Variants in MARF1 observed in about 807,000 individuals in gnomAD.
MARF1 encodes limkain-b1.
In MARF1, 24 loss-of-function variants were observed where a neutral mutation model predicts 168.2. That is an observed-to-expected ratio of 0.14 (90% CI 0.10 to 0.20). The LOEUF (loss-of-function observed/expected upper bound fraction) is 0.20, where lower values mean the gene tolerates loss of function less well. MARF1 is among the 10% of genes least tolerant of loss of function. MARF1 has a pLI of 1.00. For missense variants in MARF1, 1,744 were observed against 2,143.6 expected (o/e 0.81, Z 3.68); for synonymous variants, 868 against 822.4 (o/e 1.06, Z -0.95).
intron 23 of MARF1, chr16:15,601,518 C>T (rs2032426583): frequency 8.5e-6 from 2 of 235,910 alleles, no homozygotes; most frequent in Admixed American, 1.0e-4. Flanking sequence ...TCTCGACACT[C>T]CATGCCACTT....
At chr16:15,626,943 G>A (rs543228306) in intron 7 of MARF1, among the ~76,000 whole-genome samples, 16 of 129,794 alleles carry the variant, frequency 1.2e-4, no homozygotes, top group Admixed American at 2.6e-4. Context: ...CAGCCTGGGC[G>A]ACAGAGCGAG....
chr16:15,604,621 A>G (rs377383307), intron 21 of MARF1, among the ~76,000 whole-genome samples: 44 of 152,292 alleles, frequency 2.9e-4, no homozygotes, highest in African/African-American at 9.4e-4. Flanking sequence ...TCCATAACTG[A>G]AAACTCTCAA....
At position 15,638,958 on chromosome 16, in the gene MARF1, G is replaced by C. The variant is rs560945572; in HGVS notation, c.144+132C>G. On this transcript the variant is annotated intron_variant, in intron 2 of 26. Coordinates refer to ENST00000396368, the MANE Select transcript of MARF1 (RefSeq NM_014647.4). ...CTCACATTATAATGTGGTATAAGAG[G>C]CAATACAGGCAAGATCTACAGAAAA... 64 of 771,430 alleles carry C rather than the reference G, an allele frequency of 8.3e-5. No homozygotes were observed. In the African/African-American group the frequency reaches 1.1e-3, roughly 13 times the overall value. 47.8% of individuals were successfully genotyped at this position (771,430 alleles called of 1,614,324 possible). A position where few individuals can be genotyped will look rare whatever the true frequency, so the allele number is the denominator to read the frequency against.
intron 21 of MARF1, 81 bp from the exon 22 acceptor site, chr16:15,604,479 G>C (rs2032830003): frequency 2.2e-6 from 2 of 897,432 alleles, no homozygotes; most frequent in South Asian, 3.0e-5. Flanking sequence ...ACTTCATTTT[G>C]GTTAATGAGA....
Position 15,636,022 on chromosome 16 carries a change from C to T in MARF1, c.465G>A (p.Gln155=). ...TCQVGSGFAF[Q]SASSLQNASA... ...AGGCATTCTGGAGTGAAGATGCAGA[C>T]TGGAAAGCAAACCCTGACCCTACCT... The change falls in exon 3 of 27, where the codon CAG becomes CAA. Residue 155 remains glutamine (Q), a synonymous_variant. Transcript: ENST00000396368. 6.2e-7 allele frequency: 1 copy of T among 1,614,216 alleles called. No homozygotes were observed. Among genetic ancestry groups the T allele is most frequent in the Non-Finnish European group, 8.5e-7 (1 of 1,180,040 alleles).
intron 10 of MARF1, 146 bp downstream of exon 10, chr16:15,624,623 C>T (rs918326898): frequency 4.1e-6 from 3 of 732,246 alleles, no homozygotes; most frequent in Non-Finnish European, 6.9e-6. Flanking sequence ...CGATGATTAC[C>T]TGAGGAGAGG....
At chr16:15,633,383 C>CA (rs1041847879) in intron 5 of MARF1, among the ~76,000 whole-genome samples, 4 of 151,838 alleles carry the variant, frequency 2.6e-5, no homozygotes, top group African/African-American at 9.7e-5. Flanking sequence ...CTCGTCTCTA[C>CA]AAAAAATAAA....
At chr16:15,607,080 C>A (rs1443653496) in intron 21 of MARF1, among the ~76,000 whole-genome samples, 1 of 152,154 alleles carries the variant, frequency 6.6e-6, no homozygotes, top group Non-Finnish European at 1.5e-5. Context: ...CTGACCAGCC[C>A]TCCTGCGATG....
At chr16:15,621,499 G>A (rs757353179) in intron 12 of MARF1, 47 of 508,926 alleles carry the variant, frequency 9.2e-5, no homozygotes, top group South Asian at 3.7e-4. Context: ...AACATGTTGC[G>A]TATTATTTTA....
At chr16:15,638,189 G>T (rs79313381) in intron 2 of MARF1, among the ~76,000 whole-genome samples, 3,466 of 152,082 alleles carry the variant, frequency 0.023, 144 homozygotes, top group African/African-American at 0.079. Context: ...AATAAAAGTT[G>T]TTAATACCCT....
intron 21 of MARF1, among the ~76,000 whole-genome samples, chr16:15,606,851 C>T (rs1193813615): frequency 6.6e-6 from 1 of 152,164 alleles, no homozygotes; most frequent in Non-Finnish European, 1.5e-5. Context: ...TCCCTTGCTC[C>T]CTCAGCCCCA....
At chr16:15,602,284 A>T in intron 22 of MARF1, 81 bp from the exon 23 acceptor site, 1 of 1,119,332 alleles carries the variant, frequency 8.9e-7, no homozygotes, top group Non-Finnish European at 1.3e-6. Context: ...CCACTGAGGG[A>T]AAAGGCCCAG....
At position 15,630,323 on chromosome 16, in the gene MARF1, C is replaced by A. The variant is rs781254280; in HGVS notation, c.1524+9G>T. On this transcript the variant is annotated intron_variant, in intron 7 of 26. Transcript: ENST00000396368. ...TGGAAAATGGCAAAAATAACGCAAA[C>A]CCACTTACTGGCATTTTTAGTGGTA... 3.8e-6 allele frequency: 6 copies of A among 1,592,794 alleles called. No homozygotes were observed. In the East Asian group the frequency reaches 9.1e-5, roughly 24 times the overall value.
intron 26 of MARF1, among the ~76,000 whole-genome samples, chr16:15,598,610 C>G (rs2032018511): frequency 6.6e-6 from 1 of 152,018 alleles, no homozygotes; most frequent in African/African-American, 2.4e-5. Context: ...GCCCACAGCC[C>G]CGAGCCACCA....
At chr16:15,605,511 C>T (rs1184839566) in intron 21 of MARF1, among the ~76,000 whole-genome samples, 1 of 152,012 alleles carries the variant, frequency 6.6e-6, no homozygotes, top group Non-Finnish European at 1.5e-5. Context: ...ATCAACCAAC[C>T]GATACAAGTC....
chr16:15,622,913 GCA>G lies in MARF1; in HGVS notation c.2460+19_2460+20del, dbSNP rs769730594. 1 of 1,560,570 alleles carries G rather than the reference GCA, an allele frequency of 6.4e-7. No individual in the cohort carries two copies. The highest frequency in any genetic ancestry group is 1.2e-5 in the South Asian group (1 of 86,640). On this transcript the variant is annotated intron_variant, in intron 11 of 26. Coordinates refer to ENST00000396368, the MANE Select transcript of MARF1 (RefSeq NM_014647.4). ...TCCATCAGAGAGTATAACAAAGCAA[GCA>G]CAAGAGGGAAAAAGTTACCTTGCCA...
Position 15,625,367 on chromosome 16 carries a change from A to C in MARF1, c.1953+5T>G. On this transcript the variant is annotated splice_donor_5th_base_variant and intron_variant, in intron 8 of 26. Transcript: ENST00000396368. The stretch of plus-strand genomic sequence containing the variant: ...ACTTCAGAAAGCAAGAGGTATCAAA[A>C]TTACCTGTAAACTTTTAACATTTGT... 6.3e-7 allele frequency: 1 copy of C among 1,593,478 alleles called. No homozygotes were observed. The highest frequency in any genetic ancestry group is 1.1e-5 in the South Asian group (1 of 88,184).
intron 15 of MARF1, chr16:15,616,771 T>G (rs528903375): frequency 3.6e-5 from 13 of 362,696 alleles, no homozygotes; most frequent in Non-Finnish European, 5.5e-5. Context: ...TACTACACAC[T>G]GTGAGCAACT....
chr16:15,611,002 C>G lies in MARF1; in HGVS notation c.3724G>C (p.Glu1242Gln). 1 of 1,613,958 alleles carries G rather than the reference C, an allele frequency of 6.2e-7. No homozygotes were observed. Among genetic ancestry groups the G allele is most frequent in the Non-Finnish European group, 8.5e-7 (1 of 1,179,904 alleles). ...TTICLSQQDNEMVICIPKRER... is the reference protein window; with the variant it reads ...TTICLSQQDNQMVICIPKRER... ...CTTTTGGGGATACAAATCACCATTTCATTATCTTGTTGGGACAAGCAGATG... is the reference window on the plus strand; with the variant it reads ...CTTTTGGGGATACAAATCACCATTTGATTATCTTGTTGGGACAAGCAGATG... Residue 1242 changes from glutamate (E) to glutamine (Q), a missense_variant, in exon 19 of 27, where the codon GAA becomes CAA. Around this residue, in one of 7 missense-constraint regions of MARF1, gnomAD observed 543 missense variants for 742.1 expected, o/e 0.73. Transcript: ENST00000396368.
Sources: allele counts gnomAD v4.1 joint callset (sites outside exome capture counted in the v4.1 genomes callset), GRCh38; gene constraint gnomAD v4.1.1; regional missense constraint gnomAD v4.1.1; transcripts MANE v1.5; gene names NCBI Gene and HGNC (gene_info 2026-07-23, HGNC 2026-07-21).